The following CMTR1 variants were observed in gnomAD, a reference collection of about 807,000 sequenced individuals.
The protein encoded by CMTR1 is cap methyltransferase 1.
In CMTR1, 39 loss-of-function variants were observed where a neutral mutation model predicts 107.0. The ratio of observed to expected loss-of-function variants is 0.36; its 90% CI spans 0.28 to 0.48. The LOEUF (loss-of-function observed/expected upper bound fraction) is 0.48. Ranked by LOEUF, CMTR1 falls within the 20% of genes least tolerant of loss-of-function variation. The probability of loss-of-function intolerance (pLI) is 0.99; values close to 1 mark genes in which losing one functional copy is unlikely to be tolerated. For missense variants in CMTR1, 672 were observed against 1,064.9 expected (o/e 0.63, Z 5.14); for synonymous variants, 366 against 379.5 (o/e 0.96, Z 0.41).
At chr6:37,479,959 C>T (rs1157355499) in intron 23 of CMTR1, 54 bp from the exon 24 acceptor site, 1 of 1,455,376 alleles carries the variant, frequency 6.9e-7, no homozygotes, top group Non-Finnish European at 9.1e-7. Flanking sequence ...GAACACATGA[C>T]CCTGTGCCAT....
At chr6:37,475,746 T>C in intron 19 of CMTR1, 1 of 488,020 alleles carries the variant, frequency 2.0e-6, no homozygotes, top group Non-Finnish European at 3.7e-6. Flanking sequence ...ATCCTGTGCT[T>C]GAGTGGTCCC....
In CMTR1 at chr6:37,456,105, C is replaced by T. The variant is rs373864293; in HGVS notation, c.778-2507C>T. 1.1e-4 allele frequency among the ~76,000 whole-genome samples: 16 copies of T among 152,312 alleles called. No individual in the cohort carries two copies. In the South Asian group the frequency reaches 1.2e-3, roughly 12 times the overall value. On this transcript the variant is annotated intron_variant, in intron 8 of 23. Coordinates refer to ENST00000373451, the MANE Select transcript of CMTR1 (RefSeq NM_015050.3). ...GGTGAGGTGTTCGCATCGATCATTC[C>T]GCATCCTTCTCCCAGTCTTCCTTTG... is the stretch of plus-strand genomic sequence containing the variant.
At chr6:37,468,776 G>A (rs1761561725) in intron 13 of CMTR1, among the ~76,000 whole-genome samples, 1 of 152,156 alleles carries the variant, frequency 6.6e-6, no homozygotes, top group Admixed American at 6.5e-5. Flanking sequence ...CCAGCTACTC[G>A]GGAGGCTGAG....
intron 3 of CMTR1, 98 bp from the exon 4 acceptor site, chr6:37,446,193 A>G (rs1771790695): frequency 1.5e-6 from 2 of 1,300,648 alleles, no homozygotes; most frequent in African/African-American, 1.5e-5. Flanking sequence ...TTAATCATCT[A>G]TTTTTCTTAG....
upstream of CMTR1, among the ~76,000 whole-genome samples, chr6:37,431,012 C>CA (rs34543353): frequency 0.025 from 1,196 of 48,628 alleles, 20 homozygotes; most frequent in African/African-American, 0.048. Context: ...GACTCCGTCT[C>CA]AAAAAAAAAA....
At chr6:37,444,364 T>C (rs1771738034) in intron 3 of CMTR1, among the ~76,000 whole-genome samples, 1 of 152,244 alleles carries the variant, frequency 6.6e-6, no homozygotes, top group South Asian at 2.1e-4. Context: ...CTGTTTCTGC[T>C]GTTCTATCTG....
chr6:37,472,634 C>A lies in CMTR1; in HGVS notation c.1689+147C>A. 1 of 754,070 alleles carries A rather than the reference C, an allele frequency of 1.3e-6. No individual in the cohort carries two copies. The highest frequency in any genetic ancestry group is 2.3e-6 in the Non-Finnish European group (1 of 440,714). 46.7% of individuals were successfully genotyped at this position (754,070 alleles called of 1,614,324 possible). ...CTAAGGGGCGGAGCTAAGGCTGCCA[C>A]AGGTGGGAACCTTTGGTATAGGGTG... On this transcript the variant is annotated intron_variant, in intron 16 of 23. Transcript: ENST00000373451. This position sits in a 1 kb window ranked among gnomAD's most constrained non-coding sequence, Gnocchi z 4.1.
intron 9 of CMTR1, among the ~76,000 whole-genome samples, chr6:37,459,365 T>C (rs1029786851): frequency 1.3e-5 from 2 of 152,264 alleles, no homozygotes; most frequent in African/African-American, 4.8e-5. Flanking sequence ...GACTTTTGAC[T>C]GGTCAACTCC....
At position 37,438,723 on chromosome 6, in the gene CMTR1, G is replaced by T. The variant is rs531315766; in HGVS notation, c.133+2961G>T. Among the ~76,000 whole-genome samples the T allele has an allele frequency of 1.3e-5, 2 of 152,130 alleles. 1 individual carries two copies. Among genetic ancestry groups the T allele is most frequent in the Admixed American group, 1.3e-4 (2 of 15,284 alleles). On this transcript the variant is annotated intron_variant, in intron 2 of 23. Coordinates refer to ENST00000373451, the MANE Select transcript of CMTR1 (RefSeq NM_015050.3). ...TAAAATGCGTCACAGTTTTCATTTT[G>T]CCTGTCTCCTCCAGTCTGCAGAAGA...
At chr6:37,474,127 GTTAC>G (rs1761685197) in intron 17 of CMTR1, among the ~76,000 whole-genome samples, 1 of 152,172 alleles carries the variant, frequency 6.6e-6, no homozygotes, top group African/African-American at 2.4e-5. Flanking sequence ...GTCTTCCTCA[GTTAC>G]TTCTTTTGTA....
chr6:37,453,932 G>A (rs1256015275), intron 8 of CMTR1, among the ~76,000 whole-genome samples: 3 of 152,260 alleles, frequency 2.0e-5, no homozygotes, highest in South Asian at 2.1e-4. Context: ...TTTAGACTGG[G>A]CCACTTTCCT....
In CMTR1 at chr6:37,481,024, C is replaced by G; in HGVS notation, c.*879C>G. 2 of 1,303,814 alleles carry G rather than the reference C, an allele frequency of 1.5e-6. No individual in the cohort carries two copies. The highest frequency in any genetic ancestry group is 2.3e-5 in the Admixed American group (1 of 43,560). 80.8% of individuals were successfully genotyped at this position (1,303,814 alleles called of 1,614,324 possible). Reference sequence around the variant, plus strand: ...GCGCTGCCCTCTGGCAGTCATGCACCGCTGTCTGCCATAGCCGCTCTAGGG... The same window carrying G: ...GCGCTGCCCTCTGGCAGTCATGCACGGCTGTCTGCCATAGCCGCTCTAGGG... On this transcript the variant is annotated 3_prime_UTR_variant, in exon 24 of 24. Transcript: ENST00000373451.
At chr6:37,469,623 G>T (rs1490202355) in intron 13 of CMTR1, among the ~76,000 whole-genome samples, 2 of 149,856 alleles carry the variant, frequency 1.3e-5, no homozygotes, top group South Asian at 4.2e-4. Flanking sequence ...CGCCTCTGGG[G>T]TTCAAGTGAT....
chr6:37,468,243 TTTCA>T (rs1554122053), intron 13 of CMTR1, among the ~76,000 whole-genome samples: 3 of 152,144 alleles, frequency 2.0e-5, no homozygotes, highest in Non-Finnish European at 4.4e-5. Flanking sequence ...TCCAAAACTA[TTTCA>T]TTGTTTTATG....
intron 14 of CMTR1, among the ~76,000 whole-genome samples, chr6:37,471,616 T>C (rs543409255): frequency 1.8e-4 from 28 of 152,234 alleles, no homozygotes; most frequent in African/African-American, 6.5e-4. Context: ...TCCTTTCCCA[T>C]TGTGGTGAGA....
intron 17 of CMTR1, among the ~76,000 whole-genome samples, chr6:37,473,887 G>T (rs1761677808): frequency 6.6e-6 from 1 of 152,222 alleles, no homozygotes; most frequent in South Asian, 2.1e-4. Flanking sequence ...AGAGTGGTCA[G>T]CAGGCTTATC....
In CMTR1 at chr6:37,459,565, G is replaced by A; in HGVS notation, c.977-1G>A. On this transcript the variant is annotated splice_acceptor_variant, in intron 9 of 23. Transcript: ENST00000373451. LOFTEE classifies it high-confidence loss of function. ...TCACTATGACTCTTGTATTCTGACA[G>A]GTGAGGGTGGGATTGATGGAGATGG... is the stretch of plus-strand genomic sequence containing the variant. 1 of 1,613,230 alleles carries A rather than the reference G, an allele frequency of 6.2e-7. No homozygotes were observed. Among genetic ancestry groups the A allele is most frequent in the Non-Finnish European group, 8.5e-7 (1 of 1,179,180 alleles).
At chr6:37,442,558 A>G (rs1288617157) in intron 2 of CMTR1, among the ~76,000 whole-genome samples, 3 of 152,214 alleles carry the variant, frequency 2.0e-5, no homozygotes, top group Non-Finnish European at 2.9e-5. Flanking sequence ...ACCCTGTCCA[A>G]TGGGGACAGC....
chr6:37,471,442 G>T (rs569365981), intron 14 of CMTR1, among the ~76,000 whole-genome samples: 1 of 152,276 alleles, frequency 6.6e-6, no homozygotes, highest in African/African-American at 2.4e-5. Flanking sequence ...CCTCGGGTAG[G>T]GGGTGAACAT....
Sources: allele counts gnomAD v4.1 joint callset (sites outside exome capture counted in the v4.1 genomes callset), GRCh38; gene constraint gnomAD v4.1.1; non-coding constraint Gnocchi (gnomAD v3.1); transcripts MANE v1.5; gene names NCBI Gene and HGNC (gene_info 2026-07-23, HGNC 2026-07-21).